SH3RF1: variants seen among roughly 807,000 people sequenced by gnomAD.
The protein encoded by SH3RF1 is E3 ubiquitin-protein ligase SH3RF1.
Under a neutral mutation model 74.0 loss-of-function variants are expected in SH3RF1, and 32 were observed. The observed-to-expected ratio is 0.43, with a 90% CI of 0.33 to 0.58. The LOEUF is 0.58. SH3RF1 is among the 20% of genes least tolerant of loss of function. SH3RF1 has a pLI of 0.05. For synonymous variants in SH3RF1, 396 were observed against 439.6 expected, an observed-to-expected ratio of 0.90 and a Z score of 1.24; for missense variants, 954 against 1,130.9, an observed-to-expected ratio of 0.84 and a Z score of 2.24.
chr4:169,157,925 A>G (rs377642199), intron 2 of SH3RF1, among the ~76,000 whole-genome samples: 60,415 of 151,606 alleles, frequency 0.4, 12,657 homozygotes, highest in African/African-American at 0.54. Flanking sequence ...ATTTTTACAA[A>G]ATGGGGTCTC....
intron 2 of SH3RF1, chr4:169,166,431 T>C (rs919517269): frequency 2.4e-5 from 4 of 167,314 alleles, no homozygotes; most frequent in Non-Finnish European, 5.3e-5. Flanking sequence ...ATTAGAGGAA[T>C]TGGCAGATAT....
At chr4:169,237,450 G>A (rs989918040) in intron 2 of SH3RF1, among the ~76,000 whole-genome samples, 4 of 152,118 alleles carry the variant, frequency 2.6e-5, no homozygotes, top group Non-Finnish European at 4.4e-5. Flanking sequence ...AGACCAGCTT[G>A]GGCAATACAG....
At chr4:169,212,057 CTTTTT>C (rs34108534) in intron 2 of SH3RF1, among the ~76,000 whole-genome samples, 9 of 48,268 alleles carry the variant, frequency 1.9e-4, no homozygotes, top group African/African-American at 4.6e-4. Flanking sequence ...CTTTTCTTTT[CTTTTT>C]TTTTTTTTTT....
intron 2 of SH3RF1, among the ~76,000 whole-genome samples, chr4:169,209,159 C>T (rs868755727): frequency 4.0e-5 from 6 of 151,798 alleles, no homozygotes; most frequent in African/African-American, 9.7e-5. Context: ...CACGGTGGCA[C>T]GCACCTGTGA....
intron 2 of SH3RF1, among the ~76,000 whole-genome samples, chr4:169,222,685 C>T (rs1730587387): frequency 6.6e-6 from 1 of 151,976 alleles, no homozygotes; most frequent in Admixed American, 6.6e-5. Flanking sequence ...GGACAAATTT[C>T]AGTCAGTTTA....
At chr4:169,251,306 G>A (rs1371800196) in intron 2 of SH3RF1, among the ~76,000 whole-genome samples, 1 of 152,150 alleles carries the variant, frequency 6.6e-6, no homozygotes, top group Non-Finnish European at 1.5e-5. Context: ...ACAAATACAC[G>A]TAAAGTCATG....
At chr4:169,172,881 G>C (rs1024902775) in intron 2 of SH3RF1, among the ~76,000 whole-genome samples, 1 of 152,150 alleles carries the variant, frequency 6.6e-6, no homozygotes, top group Non-Finnish European at 1.5e-5. Context: ...CTGGAAAGCA[G>C]GACTAGGGTA....
chr4:169,220,916 A>C (rs925862834), intron 2 of SH3RF1, among the ~76,000 whole-genome samples: 1 of 152,220 alleles, frequency 6.6e-6, no homozygotes, highest in Non-Finnish European at 1.5e-5. Flanking sequence ...AATGAGATTA[A>C]AGATCAGGCA....
chr4:169,203,165 C>G (rs561493616), intron 2 of SH3RF1, among the ~76,000 whole-genome samples: 167 of 152,272 alleles, frequency 1.1e-3, no homozygotes, highest in African/African-American at 3.9e-3. Flanking sequence ...TTTAGTAAGC[C>G]ACACATTCAC....
chr4:169,249,877 A>C (rs1367569615), intron 2 of SH3RF1, among the ~76,000 whole-genome samples: 15 of 152,234 alleles, frequency 9.9e-5, no homozygotes, highest in Admixed American at 9.2e-4. Context: ...TAGAAAAAGG[A>C]AATTCATCTC....
At chr4:169,124,602 C>A (rs1394527009) in intron 6 of SH3RF1, among the ~76,000 whole-genome samples, 4 of 152,190 alleles carry the variant, frequency 2.6e-5, no homozygotes, top group Non-Finnish European at 5.9e-5. Flanking sequence ...CCAGTGCATG[C>A]ATGTTTGCAT....
intron 2 of SH3RF1, among the ~76,000 whole-genome samples, chr4:169,164,388 C>T (rs1348516522): frequency 6.6e-6 from 1 of 152,208 alleles, no homozygotes; most frequent in African/African-American, 2.4e-5. Flanking sequence ...CTGACAGGCT[C>T]AACAGTTTTA....
rs1175667628 is a variant in SH3RF1 at position 169,116,143 on chromosome 4, G to A, written c.2139+126C>T. ...TAGCACCTGGCATAGTGACTCACAC[G>A]TAGGGAGCACCTGAGGGTTTGTTGA... On this transcript the variant is annotated intron_variant, in intron 10 of 11. Transcript: ENST00000284637. The A allele has an allele frequency of 1.0e-5, 14 of 1,384,236 alleles. No homozygotes were observed. The Admixed American group carries it at 2.5e-4, about 24-fold the overall frequency. 85.7% of individuals were successfully genotyped at this position (1,384,236 alleles called of 1,614,324 possible).
chr4:169,119,186 C>A (rs1252685678), intron 8 of SH3RF1, among the ~76,000 whole-genome samples: 1 of 151,818 alleles, frequency 6.6e-6, no homozygotes, highest in African/African-American at 2.4e-5. Context: ...TCACTGCAGC[C>A]TCCGCCTCCC....
At chr4:169,162,847 C>A (rs1734171728) in intron 2 of SH3RF1, among the ~76,000 whole-genome samples, 1 of 152,180 alleles carries the variant, frequency 6.6e-6, no homozygotes, top group South Asian at 2.1e-4. Context: ...CTGACCAAGG[C>A]CAGCCTTTGG....
chr4:169,185,634 G>A (rs1734587745), intron 2 of SH3RF1, among the ~76,000 whole-genome samples: 1 of 152,110 alleles, frequency 6.6e-6, no homozygotes, highest in African/African-American at 2.4e-5. Flanking sequence ...GTTGGGAGTG[G>A]AGGGAGATAA....
intron 2 of SH3RF1, among the ~76,000 whole-genome samples, chr4:169,245,480 T>A (rs574209115): frequency 1.3e-5 from 2 of 152,316 alleles, no homozygotes; most frequent in South Asian, 4.1e-4. Flanking sequence ...TATATTTTGA[T>A]AGCACACAGA....
In SH3RF1 at chr4:169,269,226, A is replaced by T; in HGVS notation, c.-14T>A. On this transcript the variant is annotated 5_prime_UTR_variant, in exon 2 of 12. Transcript: ENST00000284637. Reference sequence around the variant, plus strand: ...TGATTCATCCATCTTTATCTACTTTACTGAGAAAAAATCTTCAGAAATGTT... The same window carrying T: ...TGATTCATCCATCTTTATCTACTTTTCTGAGAAAAAATCTTCAGAAATGTT... 1 of 1,542,150 alleles carries T rather than the reference A, an allele frequency of 6.5e-7. No homozygotes were observed. The highest frequency in any genetic ancestry group is 8.7e-7 in the Non-Finnish European group (1 of 1,151,788).
intron 2 of SH3RF1, among the ~76,000 whole-genome samples, chr4:169,249,692 T>G (rs1313502254): frequency 6.6e-6 from 1 of 152,032 alleles, no homozygotes; most frequent in African/African-American, 2.4e-5. Context: ...AGAGCAACAG[T>G]AGGAAGGATA....
Sources: allele counts gnomAD v4.1 joint callset (sites outside exome capture counted in the v4.1 genomes callset), GRCh38; gene constraint gnomAD v4.1.1; transcripts MANE v1.5; gene names NCBI Gene and HGNC (gene_info 2026-07-23, HGNC 2026-07-21).